The following ANKRD36C variants were observed in gnomAD, a reference collection of about 807,000 sequenced individuals.
ANKRD36C encodes ankyrin repeat domain 36C, also known as ankyrin repeat domain-containing protein 36C.
Under a neutral mutation model 276.4 loss-of-function variants are expected in ANKRD36C, and 61 were observed. The observed-to-expected ratio is 0.22, with a 90% confidence interval of 0.18 to 0.27. The LOEUF is 0.27. ANKRD36C is among the 10% of genes least tolerant of loss of function. ANKRD36C has a pLI of 1.00. For missense variants in ANKRD36C, 1,447 were observed against 2,032.3 expected (o/e 0.71, Z 5.54); for synonymous variants, 483 against 680.1 (o/e 0.71, Z 4.51).
intron 46 of ANKRD36C, among the ~76,000 whole-genome samples, chr2:95,890,643 T>G (rs552505425): frequency 1.3e-4 from 20 of 151,626 alleles, no homozygotes; most frequent in Middle Eastern, 3.4e-3. Flanking sequence ...CTTCATCCAC[T>G]CTTGGCACCA....
chr2:95,902,492 C>T (rs535022145), intron 42 of ANKRD36C, among the ~76,000 whole-genome samples: 9,965 of 150,408 alleles, frequency 0.066, 1,154 homozygotes, highest in African/African-American at 0.22. Context: ...ACAGTGTCTA[C>T]GGGTTGTTAC....
chr2:95,892,187 G>A (rs1400339367), intron 44 of ANKRD36C, among the ~76,000 whole-genome samples: 1 of 151,508 alleles, frequency 6.6e-6, no homozygotes, highest in African/African-American at 2.4e-5. Context: ...ACTCATACAC[G>A]TGAGAATAAA....
intron 64 of ANKRD36C, 52 bp from the exon 85 acceptor site, chr2:95,852,248 T>G: frequency 1.6e-6 from 2 of 1,234,188 alleles, no homozygotes; most frequent in South Asian, 2.5e-5. Flanking sequence ...TAAATGTCCA[T>G]CAGTAGATGA....
At chr2:95,860,752 T>C (rs1369891339) in intron 60 of ANKRD36C, among the ~76,000 whole-genome samples, 1 of 151,920 alleles carries the variant, frequency 6.6e-6, no homozygotes, top group African/African-American at 2.4e-5. Context: ...AAATCTGACA[T>C]AGAGCTGGGG....
intron 14 of ANKRD36C, among the ~76,000 whole-genome samples, chr2:95,953,230 A>C (rs201894245): frequency 2.7e-5 from 4 of 146,774 alleles, no homozygotes; most frequent in Non-Finnish European, 4.6e-5. Flanking sequence ...AATTTCTAAT[A>C]TTCCACAACT....
At chr2:95,852,360 G>A (rs1317230142) in intron 64 of ANKRD36C, 164 bp from the exon 85 acceptor site, 1 of 633,516 alleles carries the variant, frequency 1.6e-6, no homozygotes, top group Non-Finnish European at 2.7e-6. Flanking sequence ...CCTGTTTTTT[G>A]TAATTAATTT....
chr2:95,986,564 G>C (rs888530027), intron 3 of ANKRD36C, 187 bp downstream of exon 3: 13 of 747,602 alleles, frequency 1.7e-5, no homozygotes, highest in Non-Finnish European at 2.7e-5. Flanking sequence ...AAAAATAGCT[G>C]TTCCTTATAA....
intron 12 of ANKRD36C, among the ~76,000 whole-genome samples, chr2:95,958,186 G>C (rs1408622301): frequency 6.6e-6 from 1 of 151,956 alleles, no homozygotes; most frequent in Admixed American, 6.6e-5. Flanking sequence ...TCGTTCTATA[G>C]TTTTTATGGC....
intron 5 of ANKRD36C, among the ~76,000 whole-genome samples, chr2:95,978,815 A>C (rs560503261): frequency 6.6e-6 from 1 of 152,188 alleles, no homozygotes; most frequent in South Asian, 2.1e-4. Context: ...TAAATAAATT[A>C]ATTTATGAAT....
intron 60 of ANKRD36C, among the ~76,000 whole-genome samples, chr2:95,861,894 G>T (rs1675593527): frequency 6.6e-6 from 1 of 151,768 alleles, no homozygotes; most frequent in African/African-American, 2.4e-5. Context: ...GATGGAAAAA[G>T]ATACATGCTA....
chr2:95,929,247 C>T (rs1371147176), exon 25 of ANKRD36C: 3 of 1,593,456 alleles, frequency 1.9e-6, no homozygotes, highest in Non-Finnish European at 2.5e-6. Context: ...ACCTTCTCAG[C>T]TGGTTGTTTC....
At chr2:95,988,932 C>T (rs1197812144) in intron 1 of ANKRD36C, among the ~76,000 whole-genome samples, 3 of 152,114 alleles carry the variant, frequency 2.0e-5, no homozygotes, top group African/African-American at 4.8e-5. Context: ...CTTTGGGAGG[C>T]CGAGGCGGGG....
At chr2:95,974,724 A>G (rs1244196761) in intron 6 of ANKRD36C, among the ~76,000 whole-genome samples, 1 of 151,794 alleles carries the variant, frequency 6.6e-6, no homozygotes, top group Non-Finnish European at 1.5e-5. Context: ...ACATATGTAT[A>G]CATGTGCCAT....
chr2:95,915,907 C>T (rs148809852), intron 38 of ANKRD36C, 73 bp downstream of exon 40: 2 of 1,503,206 alleles, frequency 1.3e-6, no homozygotes, highest in Non-Finnish European at 1.8e-6. Context: ...GACCAGCCCC[C>T]CACTGATTTA....
chr2:95,962,434 A>G lies in ANKRD36C; in HGVS notation c.829-10T>C, dbSNP rs1421175938. On this transcript the variant is annotated splice_polypyrimidine_tract_variant and intron_variant, in intron 7 of 66. Coordinates refer to ENST00000456556, the Ensembl canonical transcript of ANKRD36C. ...CCTTGCCACTTGTAGCCTGAGTGGG[A>G]TTTGAAACAAAATAATCAATACGTA... 1.3e-6 allele frequency: 2 copies of G among 1,578,894 alleles called. No homozygotes were observed. Among genetic ancestry groups the G allele is most frequent in the South Asian group, 2.3e-5 (2 of 87,770 alleles).
chr2:95,886,631 C>T (rs1317769580), intron 50 of ANKRD36C, among the ~76,000 whole-genome samples: 5 of 151,602 alleles, frequency 3.3e-5, no homozygotes, highest in East Asian at 1.9e-4. Context: ...GCAAGATATC[C>T]GAATGATTAA....
At position 95,962,295 on chromosome 2, in the gene ANKRD36C, A is replaced by ACAG. The variant is rs533731463; in HGVS notation, c.901+54_901+56dup. On this transcript the variant is annotated intron_variant, in intron 8 of 66. Coordinates refer to ENST00000456556, the Ensembl canonical transcript of ANKRD36C. ...GAGCTCCCTGCGATTTATTCAGGGAACAGCAGTTCCCTTCTATCCTGAGTG... is the reference window on the plus strand; with the variant it reads ...GAGCTCCCTGCGATTTATTCAGGGAACAGCAGCAGTTCCCTTCTATCCTGAGTG... 3.2e-4 allele frequency: 491 copies of ACAG among 1,511,826 alleles called. 1 individual carries two copies. The highest frequency in any genetic ancestry group is 4.2e-4 in the Non-Finnish European group (468 of 1,123,194). The allele number at this position is 1,511,826 out of a possible 1,614,324, so 93.7% of individuals were successfully genotyped here.
chr2:95,947,698 A>T (rs1320071392), intron 17 of ANKRD36C, among the ~76,000 whole-genome samples: 1 of 152,196 alleles, frequency 6.6e-6, no homozygotes, highest in Non-Finnish European at 1.5e-5. Context: ...TATTTTAAAC[A>T]AAATGCATAT....
chr2:95,853,614 G>T, intron 64 of ANKRD36C, 95 bp downstream of exon 84: 1 of 1,274,924 alleles, frequency 7.8e-7, no homozygotes, highest in Non-Finnish European at 1.1e-6. Flanking sequence ...AAATACAAAA[G>T]AAAGCCATCC....
Sources: allele counts gnomAD v4.1 joint callset (sites outside exome capture counted in the v4.1 genomes callset), GRCh38; gene constraint gnomAD v4.1.1; transcripts MANE v1.5; gene names NCBI Gene and HGNC (gene_info 2026-07-23, HGNC 2026-07-21).